DEFB106A: variants seen among roughly 807,000 people sequenced by gnomAD.
DEFB106A encodes beta-defensin 106.
For synonymous variants in DEFB106A, 1 was observed against 22.5 expected, an observed-to-expected ratio of 0.04 and a Z score of 2.70; for missense variants, 4 against 63.7, an observed-to-expected ratio of 0.06 and a Z score of 3.19.
intron 1 of DEFB106A, among the ~76,000 whole-genome samples, chr8:7,826,464 G>C (rs1427911824): frequency 2.1e-5 from 3 of 145,528 alleles, no homozygotes; most frequent in Non-Finnish European, 4.5e-5. Context: ...ATAATTATTA[G>C]ATAATCTAAT....
intron 1 of DEFB106A, among the ~76,000 whole-genome samples, chr8:7,827,774 C>T (rs1428031555): frequency 7.2e-6 from 1 of 138,876 alleles, no homozygotes; most frequent in East Asian, 2.1e-4. Context: ...ATCTGAATAC[C>T]ACGCTATAGT....
intron 1 of DEFB106A, among the ~76,000 whole-genome samples, chr8:7,827,652 A>G (rs1385882461): frequency 7.6e-6 from 1 of 131,276 alleles, no homozygotes; most frequent in African/African-American, 2.6e-5. Context: ...TAGTATATAT[A>G]CTAGTATAAT....
chr8:7,826,553 T>C (rs1817403518), intron 1 of DEFB106A, among the ~76,000 whole-genome samples: 1 of 149,186 alleles, frequency 6.7e-6, no homozygotes, highest in South Asian at 2.1e-4. Context: ...TAGTATAGTA[T>C]TATAGTATAG....
chr8:7,827,869 G>T (rs1271131059), intron 1 of DEFB106A, among the ~76,000 whole-genome samples: 2 of 140,902 alleles, frequency 1.4e-5, no homozygotes, highest in Non-Finnish European at 1.6e-5. Context: ...AGAGTTCATC[G>T]AGCTTTGAAA....
rs1185956852 is a variant in DEFB106A, at chr8:7,827,884, G to A, written c.50-921G>A. Among the ~76,000 whole-genome samples the A allele has an allele frequency of 5.7e-5, 8 of 140,604 alleles. 1 individual carries two copies. The highest frequency in any genetic ancestry group is 5.1e-4 in the Admixed American group (7 of 13,756). The allele number at this position is 140,604 out of a possible 152,430, so 92.2% of individuals were successfully genotyped here. A position where few individuals can be genotyped will look rare whatever the true frequency, so the allele number is the denominator to read the frequency against. Reference sequence around the variant, plus strand: ...AGAGTTCATCGAGCTTTGAAATAGTGGAGTATTTTCACTTATGAACTGATG... The same window carrying A: ...AGAGTTCATCGAGCTTTGAAATAGTAGAGTATTTTCACTTATGAACTGATG... On this transcript the variant is annotated intron_variant, in intron 1 of 1. Transcript: ENST00000335186.
At chr8:7,827,398 T>TATATATACTA (rs1817438153) in intron 1 of DEFB106A, among the ~76,000 whole-genome samples, 3 of 52,576 alleles carry the variant, frequency 5.7e-5, no homozygotes, top group African/African-American at 1.9e-4. Flanking sequence ...TATAGTATAG[T>TATATATACTA]GTATATACTA....
chr8:7,827,452 T>C (rs1167074613), intron 1 of DEFB106A, among the ~76,000 whole-genome samples: 1 of 113,100 alleles, frequency 8.8e-6, no homozygotes, highest in Non-Finnish European at 1.8e-5. Context: ...TATAATACTC[T>C]AGTATATAGT....
chr8:7,826,599 G>A (rs1203214320), intron 1 of DEFB106A, among the ~76,000 whole-genome samples: 3 of 146,714 alleles, frequency 2.0e-5, no homozygotes, highest in Non-Finnish European at 3.0e-5. Context: ...TGATGTTACA[G>A]TATGGTATTG....
intron 1 of DEFB106A, among the ~76,000 whole-genome samples, chr8:7,826,668 A>ATT (rs1491559970): frequency 3.2e-4 from 26 of 80,216 alleles, no homozygotes; most frequent in East Asian, 2.6e-3. Context: ...ATATATATAC[A>ATT]TATTTTTTTT....
At chr8:7,826,327 C>CA (rs1162021020) in intron 1 of DEFB106A, among the ~76,000 whole-genome samples, 2 of 149,514 alleles carry the variant, frequency 1.3e-5, no homozygotes, top group South Asian at 2.1e-4. Context: ...TATAATAAGT[C>CA]AAAAAAAAGA....
In DEFB106A at chr8:7,826,640, C is replaced by G. The variant is rs867499204; in HGVS notation, c.49+1415C>G. Among the ~76,000 whole-genome samples, 54 of 135,752 alleles carry G rather than the reference C, an allele frequency of 4.0e-4. No individual in the cohort carries two copies. The South Asian group carries it at 5.8e-3, about 15-fold the overall frequency. The allele number at this position is 135,752 out of a possible 152,430, so 89.1% of individuals were successfully genotyped here. ...GTATTATATACTATATAGTATTGTA[C>G]TAGTATATATTATATATATATATAT... On this transcript the variant is annotated intron_variant, in intron 1 of 1. Coordinates refer to ENST00000335186, the MANE Select transcript of DEFB106A (RefSeq NM_152251.4).
intron 1 of DEFB106A, among the ~76,000 whole-genome samples, chr8:7,826,357 ATC>A (rs1817396035): frequency 6.6e-6 from 1 of 150,678 alleles, no homozygotes. Flanking sequence ...CTATAAAATT[ATC>A]TGTTAGATAA....
At chr8:7,828,208 A>T (rs2128923250) in intron 1 of DEFB106A, among the ~76,000 whole-genome samples, 1 of 150,002 alleles carries the variant, frequency 6.7e-6, no homozygotes, top group Non-Finnish European at 1.5e-5. Context: ...CGCAAAATGA[A>T]CTGAGAAAAT....
intron 1 of DEFB106A, among the ~76,000 whole-genome samples, chr8:7,826,371 A>G (rs1210760487): frequency 2.1e-4 from 32 of 150,250 alleles, no homozygotes; most frequent in African/African-American, 6.5e-4. Flanking sequence ...GTTAGATAAT[A>G]CTATAATTAT....
At chr8:7,826,869 C>G (rs1427273383) in intron 1 of DEFB106A, among the ~76,000 whole-genome samples, 349 of 127,356 alleles carry the variant, frequency 2.7e-3, no homozygotes, top group African/African-American at 9.0e-3. Context: ...GGGGTTTCAC[C>G]GTGTTGGTCA....
rs1170637627 is a variant in DEFB106A at position 7,827,655 on chromosome 8, A to G, written c.50-1150A>G. Among the ~76,000 whole-genome samples the G allele has an allele frequency of 2.3e-5, 3 of 131,592 alleles. No homozygotes were observed. In the Admixed American group the frequency reaches 2.4e-4, roughly 10 times the overall value. 86.3% of individuals were successfully genotyped at this position (131,592 alleles called of 152,430 possible). On this transcript the variant is annotated intron_variant, in intron 1 of 1. Transcript: ENST00000335186. ...TAGTATATAGTATAGTATATATACT[A>G]GTATAATACTATAGTATACACTATT...
At chr8:7,826,663 T>A (rs1458306142) in intron 1 of DEFB106A, among the ~76,000 whole-genome samples, 2 of 119,984 alleles carry the variant, frequency 1.7e-5, no homozygotes, top group African/African-American at 2.8e-5. Flanking sequence ...TATATATATA[T>A]ATACATATTT....
intron 1 of DEFB106A, among the ~76,000 whole-genome samples, chr8:7,826,361 G>T (rs1817396101): frequency 6.6e-6 from 1 of 150,460 alleles, no homozygotes; most frequent in South Asian, 2.1e-4. Flanking sequence ...AAAATTATCT[G>T]TTAGATAATA....
Position 7,827,958 on chromosome 8 carries a change from G to A in DEFB106A, c.50-847G>A, listed in dbSNP as rs1346824173. The stretch of plus-strand genomic sequence containing the variant: ...TGCATATGCTGGCACTAATCCACCT[G>A]GCTGTAAGTTTTATGTAGATTTGAA... On this transcript the variant is annotated intron_variant, in intron 1 of 1. Coordinates refer to ENST00000335186, the MANE Select transcript of DEFB106A (RefSeq NM_152251.4). Among the ~76,000 whole-genome samples the A allele has an allele frequency of 1.3e-4, 18 of 137,176 alleles. No homozygotes were observed. In the South Asian group the frequency reaches 4.6e-3, roughly 35 times the overall value. The allele number at this position is 137,176 out of a possible 152,430, so 90.0% of individuals were successfully genotyped here.
Sources: gnomAD v4.1 joint callset for allele counts (sites outside exome capture counted in the v4.1 genomes callset) on GRCh38, gnomAD v4.1.1 for gene constraint, MANE v1.5 for transcripts, NCBI Gene and HGNC (gene_info 2026-07-23, HGNC 2026-07-21) for gene names.